The following FAM228B variants were observed in gnomAD, a reference collection of about 807,000 sequenced individuals.
FAM228B encodes family with sequence similarity 228 member B.
A neutral mutation model predicts 42.6 loss-of-function variants in FAM228B; 38 were observed. That is an observed-to-expected ratio of 0.89 (90% CI 0.69 to 1.17). The LOEUF is 1.17. Ranked by LOEUF, FAM228B falls within the 50% of genes most tolerant of loss-of-function variation. The pLI, the probability that FAM228B is intolerant of heterozygous loss-of-function variation, is 0.00. For synonymous variants in FAM228B, 109 were observed against 122.3 expected, an observed-to-expected ratio of 0.89 and a Z score of 0.72; for missense variants, 344 against 367.3, an observed-to-expected ratio of 0.94 and a Z score of 0.52.
At chr2:24,117,217 T>G (rs1221667167) in intron 3 of FAM228B, among the ~76,000 whole-genome samples, 1 of 152,076 alleles carries the variant, frequency 6.6e-6, no homozygotes, top group Non-Finnish European at 1.5e-5. Context: ...GGTTTCACCA[T>G]GTTTTCCAGG....
At chr2:24,153,540 C>A (rs1418456357) in intron 7 of FAM228B, among the ~76,000 whole-genome samples, 2 of 152,200 alleles carry the variant, frequency 1.3e-5, no homozygotes, top group African/African-American at 4.8e-5. Context: ...CTATTCTATC[C>A]TGCTGTGGCT....
intron 3 of FAM228B, chr2:24,096,447 T>C (rs1279087359): frequency 6.6e-6 from 1 of 152,148 alleles, no homozygotes; most frequent in Admixed American, 6.6e-5. Flanking sequence ...AATGACCTGA[T>C]GGAGCTGAAA....
chr2:24,136,483 CA>C (rs1003467235), intron 3 of FAM228B, among the ~76,000 whole-genome samples: 1 of 152,228 alleles, frequency 6.6e-6, no homozygotes, highest in African/African-American at 2.4e-5. Context: ...CTCGGCCTCC[CA>C]AAGTGCTGGG....
intron 7 of FAM228B, among the ~76,000 whole-genome samples, chr2:24,148,947 T>A (rs145762298): frequency 1.5e-3 from 226 of 152,342 alleles, no homozygotes; most frequent in African/African-American, 5.4e-3. Context: ...TTTTGATTTT[T>A]AGATCCCACA....
At chr2:24,131,298 C>A (rs577490004) in intron 2 of FAM228B, among the ~76,000 whole-genome samples, 1 of 152,186 alleles carries the variant, frequency 6.6e-6, no homozygotes, top group African/African-American at 2.4e-5. Flanking sequence ...TTAGGATTGT[C>A]TGGGCTATAT....
At chr2:24,081,081 C>T in intron 2 of FAM228B, 1 of 1,545,272 alleles carries the variant, frequency 6.5e-7, no homozygotes, top group East Asian at 2.3e-5. Context: ...GCTACACATT[C>T]CCCACACAGG....
At chr2:24,139,532 G>A in intron 5 of FAM228B, 82 bp downstream of exon 5, 1 of 704,296 alleles carries the variant, frequency 1.4e-6, no homozygotes, top group Non-Finnish European at 2.4e-6. Flanking sequence ...CAGTCCTTAA[G>A]CGATTCCCTA....
At chr2:24,159,617 C>G in intron 7 of FAM228B, among the ~76,000 whole-genome samples, 1 of 152,304 alleles carries the variant, frequency 6.6e-6, no homozygotes, top group Admixed American at 6.5e-5. Context: ...CGGTACAGTT[C>G]TGTAGCAGAT....
At chr2:24,098,196 T>G (rs1248036608) in intron 3 of FAM228B, among the ~76,000 whole-genome samples, 1 of 152,016 alleles carries the variant, frequency 6.6e-6, no homozygotes, top group African/African-American at 2.4e-5. Context: ...GATCTAAAAT[T>G]GACACCCTAA....
chr2:24,138,069 T>G lies in FAM228B; in HGVS notation c.329T>G (p.Leu110Ter), dbSNP rs1273562251. The G allele has an allele frequency of 6.5e-7, 1 of 1,534,212 alleles. No homozygotes were observed. Among genetic ancestry groups the G allele is most frequent in the African/African-American group, 1.4e-5 (1 of 71,570 alleles). The change falls in exon 4 of 11, where the codon TTA becomes TGA. Residue 110 changes from leucine (L) to a stop codon, truncating the protein, a stop_gained. Transcript: ENST00000615575. LOFTEE classifies it high-confidence loss of function. ...KKIKKRRQGE[L>*]DGFLKHVNKK... ...ATTAAAAAAAGGAGGCAAGGGGAAT[T>G]AGATGGCTTTTTAAAACATGTAAAT...
chr2:24,091,624 G>A (rs1665393702), intron 2 of FAM228B, among the ~76,000 whole-genome samples: 1 of 151,866 alleles, frequency 6.6e-6, no homozygotes, highest in Non-Finnish European at 1.5e-5. Flanking sequence ...ATAAAAATGG[G>A]GAAAATAACA....
intron 7 of FAM228B, among the ~76,000 whole-genome samples, chr2:24,151,303 T>C (rs1573777825): frequency 1.3e-5 from 2 of 152,022 alleles, no homozygotes; most frequent in East Asian, 3.9e-4. Flanking sequence ...GTTTTTTTTT[T>C]TGAGACAGAG....
Position 24,169,376 on chromosome 2 carries a change from C to T in FAM228B, c.*35C>T. ...AAAAGGTTTCAGCAACCAAGGAGCA[C>T]ACACCCTGATCCTTGATTGGTGAAA... is the stretch of plus-strand genomic sequence containing the variant. On this transcript the variant is annotated 3_prime_UTR_variant, in exon 11 of 11. Coordinates refer to ENST00000615575, the MANE Select transcript of FAM228B (RefSeq NM_001145710.2). This position sits in a 1 kb window ranked among gnomAD's most constrained non-coding sequence, Gnocchi z 4.2. 2.1e-6 allele frequency: 1 copy of T among 468,126 alleles called. No individual in the cohort carries two copies. The highest frequency in any genetic ancestry group is 4.5e-6 in the Non-Finnish European group (1 of 224,688). The allele number at this position is 468,126 out of a possible 1,614,324, so 29.0% of individuals were successfully genotyped here.
rs376704978 is a variant in FAM228B at position 24,099,714 on chromosome 2, T to C, written c.-121+4485T>C. Among the ~76,000 whole-genome samples the C allele has an allele frequency of 1.2e-4, 18 of 152,300 alleles. No homozygotes were observed. In the East Asian group the frequency reaches 3.1e-3, roughly 26 times the overall value. On this transcript the variant is annotated intron_variant, in intron 3 of 10. Transcript: ENST00000613899. ...CTGCCCAAAGTATTTATAGATTCAA[T>C]GCCATCCCCATCAAGCTACCAATGA... is the stretch of plus-strand genomic sequence containing the variant.
In FAM228B at chr2:24,094,012, T is replaced by C. The variant is rs146921400; in HGVS notation, c.-209-1129T>C. 4.3e-3 allele frequency among the ~76,000 whole-genome samples: 633 copies of C among 147,302 alleles called. 6 individuals are homozygous for C. The highest frequency in any genetic ancestry group is 7.1e-3 in the Non-Finnish European group (473 of 66,900). On this transcript the variant is annotated intron_variant, in intron 2 of 10. Coordinates refer to the FAM228B transcript ENST00000613899. ...AATGGTATTTCTGGTTCTAGATCCC[T>C]GAGGAATCGCCACATACTTTTTTTT...
At chr2:24,151,613 A>ATTT (rs397726084) in intron 7 of FAM228B, among the ~76,000 whole-genome samples, 32,234 of 137,210 alleles carry the variant, frequency 0.23, 4,462 homozygotes, top group South Asian at 0.33. Context: ...TTTTTTGGTG[A>ATTT]TTTTTTTTTT....
rs1388478486 is a variant in FAM228B at position 24,084,319 on chromosome 2, G to A, written c.-210+3364G>A. 6.2e-7 allele frequency: 1 copy of A among 1,613,670 alleles called. No homozygotes were observed. Among genetic ancestry groups the A allele is most frequent in the Non-Finnish European group, 8.5e-7 (1 of 1,179,974 alleles). ...TCCTCCCGGCTTGTCAAAGTGCACGGCTAACATATTGTCTGAGGACACAGG... is the reference window on the plus strand; with the variant it reads ...TCCTCCCGGCTTGTCAAAGTGCACGACTAACATATTGTCTGAGGACACAGG... On this transcript the variant is annotated intron_variant, in intron 2 of 10. Coordinates refer to the FAM228B transcript ENST00000613899. The surrounding 1 kb of genome is among the most constrained non-coding windows in gnomAD (Gnocchi z 8.4).
At position 24,165,326 on chromosome 2, in the gene FAM228B, C is replaced by T. The variant is rs115297461; in HGVS notation, c.932+991C>T. 7.9e-3 allele frequency: 3,738 copies of T among 470,858 alleles called. 122 individuals are homozygous for T. Among genetic ancestry groups the T allele is most frequent in the African/African-American group, 0.069 (3,436 of 50,136 alleles). 29.2% of individuals were successfully genotyped at this position (470,858 alleles called of 1,614,324 possible). ...CCTGGCCCTATCCTTACAGAGAGGC[C>T]CTACACAGTATTCTGGGATACATAT... On this transcript the variant is annotated intron_variant, in intron 9 of 10. Transcript: ENST00000615575.
Position 24,084,286 on chromosome 2 carries a change from T to C in FAM228B, c.-210+3331T>C. ...CTTGGCCACCTCCTTCACGTAGAGG[T>C]TTTCCGGTCCTCCCGGCTTGTCAAA... On this transcript the variant is annotated intron_variant, in intron 2 of 10. Coordinates refer to the FAM228B transcript ENST00000613899. The surrounding 1 kb of genome is among the most constrained non-coding windows in gnomAD (Gnocchi z 8.4). 17 of 1,613,790 alleles carry C rather than the reference T, an allele frequency of 1.1e-5. No homozygotes were observed. The highest frequency in any genetic ancestry group is 1.4e-5 in the Non-Finnish European group (17 of 1,179,902).
Sources: allele counts gnomAD v4.1 joint callset (sites outside exome capture counted in the v4.1 genomes callset), GRCh38; gene constraint gnomAD v4.1.1; non-coding constraint Gnocchi (gnomAD v3.1); transcripts MANE v1.5; gene names NCBI Gene and HGNC (gene_info 2026-07-23, HGNC 2026-07-21).